Variants in ANO4 observed in about 807,000 individuals in gnomAD.
The protein encoded by ANO4 is anoctamin 4, also known as anoctamin-4.
Under a neutral mutation model 141.9 loss-of-function variants are expected in ANO4, and 69 were observed. The observed-to-expected ratio is 0.49, with a 90% CI of 0.40 to 0.59. The LOEUF is 0.59. Among genes scored for constraint, ANO4 ranks in the 20% least tolerant of loss-of-function variants. The pLI, the probability that ANO4 is intolerant of heterozygous loss-of-function variation, is 0.00. For missense variants in ANO4, 894 were observed against 1,162.2 expected (o/e 0.77, Z 3.36); for synonymous variants, 350 against 394.3 (o/e 0.89, Z 1.33).
At chr12:100,947,095 A>C (rs1285430564) in intron 5 of ANO4, among the ~76,000 whole-genome samples, 2 of 152,244 alleles carry the variant, frequency 1.3e-5, no homozygotes, top group Non-Finnish European at 1.5e-5. Flanking sequence ...GAATACAAAC[A>C]GTTCTTTCAA....
In ANO4 at chr12:100,750,637, C is replaced by T. The variant is rs114045695; in HGVS notation, c.358+10532C>T. ...TGGCAATACTGTTTTTATCAAAACA[C>T]GCCTCTGAGTTCCCAAAACAGTACT... On this transcript the variant is annotated intron_variant, in intron 3 of 29. Coordinates refer to the ANO4 transcript ENST00000644049. Among the ~76,000 whole-genome samples, 590 of 152,272 alleles carry T rather than the reference C, an allele frequency of 3.9e-3. 4 individuals carry two copies. The highest frequency in any genetic ancestry group is 0.014 in the African/African-American group (565 of 41,544).
intron 9 of ANO4, among the ~76,000 whole-genome samples, chr12:101,025,753 G>A (rs186492470): frequency 5.3e-5 from 8 of 152,232 alleles, no homozygotes; most frequent in Admixed American, 5.2e-4. Context: ...ATTTATCCTG[G>A]ACTGCAAGGT....
chr12:101,072,652 C>T (rs193270500), intron 14 of ANO4, among the ~76,000 whole-genome samples: 1 of 152,156 alleles, frequency 6.6e-6, no homozygotes, highest in African/African-American at 2.4e-5. Flanking sequence ...AGTGAACAGG[C>T]AACCTACAGA....
chr12:100,719,960 G>A (rs2030791618), intron 1 of ANO4, among the ~76,000 whole-genome samples: 1 of 152,168 alleles, frequency 6.6e-6, no homozygotes, highest in African/African-American at 2.4e-5. Flanking sequence ...TATGTTCAAT[G>A]AATGATGTTA....
rs562065683 is a variant in ANO4, at chr12:100,735,360, G to T, written c.106+1503G>T. ...GTTTAAAAATTCTCGTGGAGAGCTC[G>T]CAGACCCTGGTTTGAAAACACTGAG... is the stretch of plus-strand genomic sequence containing the variant. On this transcript the variant is annotated intron_variant, in intron 2 of 29. Transcript: ENST00000644049. Among the ~76,000 whole-genome samples the T allele has an allele frequency of 2.6e-5, 4 of 152,232 alleles. No homozygotes were observed. In the South Asian group the frequency reaches 6.2e-4, roughly 24 times the overall value.
chr12:101,064,582 G>T (rs1397901861), intron 14 of ANO4, among the ~76,000 whole-genome samples: 1 of 151,632 alleles, frequency 6.6e-6, no homozygotes, highest in Non-Finnish European at 1.5e-5. Context: ...GGGTTATTGG[G>T]TGCAACAAAC....
chr12:100,723,640 A>G (rs925857240), intron 1 of ANO4, among the ~76,000 whole-genome samples: 2 of 152,234 alleles, frequency 1.3e-5, no homozygotes, highest in Non-Finnish European at 2.9e-5. Flanking sequence ...TCTGAGGAAC[A>G]CACTCATGTA....
At chr12:100,820,015 GC>G (rs2035950076) in intron 1 of ANO4, among the ~76,000 whole-genome samples, 1 of 151,876 alleles carries the variant, frequency 6.6e-6, no homozygotes, top group African/African-American at 2.4e-5. Context: ...TAAACTCTCT[GC>G]CCTTGACCTT....
At chr12:100,717,543 A>G (rs2030656419) in exon 1 of ANO4, 3 of 399,624 alleles carry the variant, frequency 7.5e-6, no homozygotes, top group East Asian at 3.6e-5. Context: ...CCCTCACCGC[A>G]TACGGTAACT....
At chr12:100,717,362 A>G (rs1226915400), upstream of ANO4, among the ~76,000 whole-genome samples, 2 of 151,416 alleles carry the variant, frequency 1.3e-5, no homozygotes, top group African/African-American at 2.4e-5. Flanking sequence ...CGGCAGCTCT[A>G]GGGGCGAGCG....
At chr12:100,910,823 G>C (rs1430259277) in intron 2 of ANO4, among the ~76,000 whole-genome samples, 1 of 152,104 alleles carries the variant, frequency 6.6e-6, no homozygotes, top group Admixed American at 6.5e-5. Flanking sequence ...GTCTCATTTA[G>C]AATTTGTAAA....
intron 5 of ANO4, among the ~76,000 whole-genome samples, chr12:100,967,473 A>T (rs1428809177): frequency 2.0e-5 from 3 of 152,206 alleles, no homozygotes; most frequent in African/African-American, 7.2e-5. Context: ...GGCATTCAGT[A>T]ACAAGCAGTA....
intron 25 of ANO4, among the ~76,000 whole-genome samples, chr12:101,119,141 C>T (rs768548924): frequency 2.6e-5 from 4 of 151,940 alleles, no homozygotes; most frequent in Non-Finnish European, 5.9e-5. Flanking sequence ...TTTTTCAAAG[C>T]TTTCCATGGT....
At chr12:100,884,620 C>T (rs1401104216) in intron 1 of ANO4, among the ~76,000 whole-genome samples, 1 of 152,194 alleles carries the variant, frequency 6.6e-6, no homozygotes, top group Non-Finnish European at 1.5e-5. Flanking sequence ...GTGCAGGTCT[C>T]ACTGGGCCAA....
At chr12:101,034,460 T>G (rs988918205) in intron 9 of ANO4, among the ~76,000 whole-genome samples, 11 of 151,886 alleles carry the variant, frequency 7.2e-5, no homozygotes, top group African/African-American at 2.4e-4. Flanking sequence ...GACACAGGGA[T>G]GGAAACAACA....
intron 17 of ANO4, 131 bp downstream of exon 17, chr12:101,086,955 G>A (rs1593234787): frequency 7.6e-6 from 8 of 1,053,192 alleles, no homozygotes; most frequent in Admixed American, 2.9e-5. Flanking sequence ...TCCTGGCAGC[G>A]AAGTGCCTGG....
intron 3 of ANO4, among the ~76,000 whole-genome samples, chr12:100,743,254 A>C (rs1396126686): frequency 6.7e-6 from 1 of 150,206 alleles, no homozygotes; most frequent in Non-Finnish European, 1.5e-5. Context: ...TAAAATACTA[A>C]TAGTATTAAA....
intron 1 of ANO4, among the ~76,000 whole-genome samples, chr12:100,886,378 C>T (rs916023635): frequency 5.1e-5 from 6 of 117,812 alleles, no homozygotes; most frequent in African/African-American, 7.6e-5. Context: ...TTGTGAAGAT[C>T]GTTGCTTTCA....
chr12:100,959,523 A>C (rs1264407956), intron 5 of ANO4, among the ~76,000 whole-genome samples: 1 of 152,138 alleles, frequency 6.6e-6, no homozygotes, highest in African/African-American at 2.4e-5. Flanking sequence ...TCTGTTTTCA[A>C]ACTTCTCAGT....
Sources: gnomAD v4.1 joint callset for allele counts (sites outside exome capture counted in the v4.1 genomes callset) on GRCh38, gnomAD v4.1.1 for gene constraint, MANE v1.5 for transcripts, NCBI Gene and HGNC (gene_info 2026-07-23, HGNC 2026-07-21) for gene names.